ZNF678: variants seen among roughly 807,000 people sequenced by gnomAD.
ZNF678 encodes zinc finger protein 678.
ZNF678 carries 5 observed loss-of-function variants against 3.0 expected under a neutral mutation model. The ratio of observed to expected loss-of-function variants is 1.69; its 90% CI spans 0.88 to 3.56. The LOEUF (loss-of-function observed/expected upper bound fraction) is 3.56. ZNF678 is among the 30% of genes most tolerant of loss of function. The pLI is 0.00. For missense variants in ZNF678, 593 were observed against 605.0 expected (o/e 0.98, Z 0.21); for synonymous variants, 218 against 199.6 (o/e 1.09, Z -0.78).
At chr1:227,648,818 C>CGAGA (rs1459967872) in intron 2 of ZNF678, among the ~76,000 whole-genome samples, 1 of 149,634 alleles carries the variant, frequency 6.7e-6, no homozygotes, top group Non-Finnish European at 1.5e-5. Flanking sequence ...GGTGACAGAG[C>CGAGA]GAGACTCCAT....
chr1:227,636,530 G>A (rs753277409), intron 1 of ZNF678, among the ~76,000 whole-genome samples: 4 of 152,168 alleles, frequency 2.6e-5, no homozygotes, highest in Non-Finnish European at 4.4e-5. Context: ...ATATAGAAGT[G>A]CAATAACCCC....
intron 5 of ZNF678, among the ~76,000 whole-genome samples, chr1:227,669,646 C>CAAAA (rs113306077): frequency 5.8e-5 from 8 of 138,366 alleles, no homozygotes; most frequent in African/African-American, 2.1e-4. Context: ...GAGACCGTCT[C>CAAAA]AAAAAAAAAA....
chr1:227,638,258 G>A lies in ZNF678; in HGVS notation c.-163-8286G>A, dbSNP rs1328176867. ...TCTTTTATGTTTAGAATAGAAAAAT[G>A]GGTGGTATTGGAGGGAATTGCGGAA... On this transcript the variant is annotated intron_variant, in intron 1 of 3. Transcript: ENST00000343776. The surrounding 1 kb of genome is among the most constrained non-coding windows in gnomAD (Gnocchi z 4.2). Among the ~76,000 whole-genome samples the A allele has an allele frequency of 6.6e-6, 1 of 152,206 alleles. No homozygotes were observed. Among genetic ancestry groups the A allele is most frequent in the Non-Finnish European group, 1.5e-5 (1 of 68,044 alleles).
chr1:227,651,127 T>C lies in ZNF678; in HGVS notation c.85+51T>C, dbSNP rs751464312. 3 of 1,597,658 alleles carry C rather than the reference T, an allele frequency of 1.9e-6. No homozygotes were observed. In the South Asian group the frequency reaches 3.4e-5, roughly 18 times the overall value. On this transcript the variant is annotated intron_variant, in intron 3 of 3. Transcript: ENST00000343776. Reference sequence around the variant, plus strand: ...CCAGGCTGATGAGATCTTTTCTGGGTTCATAGTAGAGAGGGGATATACCTG... The same window carrying C: ...CCAGGCTGATGAGATCTTTTCTGGGCTCATAGTAGAGAGGGGATATACCTG...
At chr1:227,643,043 A>T (rs1318910245) in intron 1 of ZNF678, among the ~76,000 whole-genome samples, 1 of 152,094 alleles carries the variant, frequency 6.6e-6, no homozygotes, top group Non-Finnish European at 1.5e-5. Context: ...CTGTTTTTTT[A>T]AAAAGTAGAG....
intron 1 of ZNF678, among the ~76,000 whole-genome samples, chr1:227,610,432 A>G (rs917700450): frequency 6.6e-6 from 1 of 152,204 alleles, no homozygotes; most frequent in Non-Finnish European, 1.5e-5. Flanking sequence ...TGTGTGCCCT[A>G]AAACCCATGG....
chr1:227,668,742 A>G (rs1344871769), intron 5 of ZNF678, among the ~76,000 whole-genome samples: 1 of 152,214 alleles, frequency 6.6e-6, no homozygotes, highest in African/African-American at 2.4e-5. Flanking sequence ...TTTTTATATG[A>G]TGAAAGGTAA....
intron 1 of ZNF678, chr1:227,582,487 A>ATTTTTTTTTTTTTTTTTTTTTTTTTT: frequency 8.9e-6 from 1 of 111,752 alleles, no homozygotes; most frequent in Non-Finnish European, 1.7e-5. Flanking sequence ...TGCCCAGCTA[A>ATTTTTTTTTTTTTTTTTTTTTTTTTT]TTTTTTTTTT....
chr1:227,620,972 G>A (rs545227894), intron 1 of ZNF678, among the ~76,000 whole-genome samples: 20 of 152,208 alleles, frequency 1.3e-4, no homozygotes, highest in African/African-American at 4.8e-4. Flanking sequence ...AAAGTTTCTT[G>A]CCAGGTGCCA....
chr1:227,651,209 C>A, intron 3 of ZNF678, 133 bp downstream of exon 3: 1 of 968,136 alleles, frequency 1.0e-6, no homozygotes, highest in Non-Finnish European at 1.5e-6. Flanking sequence ...GGGCTTATTA[C>A]CAGGGGCTTG....
chr1:227,565,806 C>A (rs1656667689), intron 1 of ZNF678, among the ~76,000 whole-genome samples: 1 of 152,210 alleles, frequency 6.6e-6, no homozygotes, highest in Admixed American at 6.5e-5. Context: ...GTCGCCCAGG[C>A]TGGAGCGCAG....
intron 1 of ZNF678, among the ~76,000 whole-genome samples, chr1:227,642,647 A>G (rs1052944764): frequency 3.9e-5 from 6 of 151,960 alleles, no homozygotes; most frequent in African/African-American, 1.5e-4. Flanking sequence ...TGCCTGATTC[A>G]TCATGGGGAT....
rs750168283 is a variant in ZNF678, at chr1:227,655,365, C to T, written c.1115C>T (p.Thr372Ile). Residue 372 changes from threonine to isoleucine, a missense_variant, in exon 4 of 4, where the codon ACT becomes ATT. By Grantham distance (89) the Thr-to-Ile change is moderately conservative (BLOSUM62 -1). Coordinates refer to ENST00000343776, the MANE Select transcript of ZNF678 (RefSeq NM_001367909.1). The stretch of plus-strand genomic sequence containing the variant: ...CTCACTCAGCATAAAAGAATTCATA[C>T]TGGAGAGAAACCCTACAAATGCAAA... ...SNLTQHKRIH[T>I]GEKPYKCKEC... 1.9e-6 allele frequency: 3 copies of T among 1,612,502 alleles called. No individual in the cohort carries two copies. The African/African-American group carries it at 4.0e-5, about 22-fold the overall frequency.
At chr1:227,606,350 A>G (rs1169920199) in intron 1 of ZNF678, among the ~76,000 whole-genome samples, 1 of 152,232 alleles carries the variant, frequency 6.6e-6, no homozygotes, top group Non-Finnish European at 1.5e-5. Flanking sequence ...GCCCGGATGT[A>G]CACATAGGCT....
chr1:227,641,064 C>T (rs187994220), intron 1 of ZNF678, among the ~76,000 whole-genome samples: 6 of 152,294 alleles, frequency 3.9e-5, no homozygotes, highest in Non-Finnish European at 8.8e-5. Flanking sequence ...ACCAGGCTCC[C>T]GGGAAACTTA....
intron 1 of ZNF678, chr1:227,582,538 A>G: frequency 5.9e-6 from 1 of 170,372 alleles, no homozygotes; most frequent in Non-Finnish European, 1.1e-5. Flanking sequence ...TATGTTGCCC[A>G]GGCTGGTCTT....
At chr1:227,598,953 C>T in intron 1 of ZNF678, 2 of 855,444 alleles carry the variant, frequency 2.3e-6, no homozygotes, top group South Asian at 2.7e-5. Context: ...TTCCAGTTCT[C>T]ATTCATTTTT....
chr1:227,630,462 G>C (rs1235745039), intron 1 of ZNF678, among the ~76,000 whole-genome samples: 1 of 152,222 alleles, frequency 6.6e-6, no homozygotes, highest in Non-Finnish European at 1.5e-5. Context: ...TTGGGCTGCA[G>C]TTATGGCAGC....
intron 1 of ZNF678, among the ~76,000 whole-genome samples, chr1:227,642,471 C>T (rs982246920): frequency 3.3e-5 from 5 of 152,126 alleles, no homozygotes; most frequent in Non-Finnish European, 5.9e-5. Context: ...CACAACTACA[C>T]CTCACATGTG....
Sources: allele counts gnomAD v4.1 joint callset (sites outside exome capture counted in the v4.1 genomes callset), GRCh38; gene constraint gnomAD v4.1.1; non-coding constraint Gnocchi (gnomAD v3.1); transcripts MANE v1.5; gene names NCBI Gene and HGNC (gene_info 2026-07-23, HGNC 2026-07-21).